The following MSRB3 variants were observed in gnomAD, a reference collection of about 807,000 sequenced individuals.
The protein encoded by MSRB3 is methionine sulfoxide reductase B3.
MSRB3 carries 13 observed loss-of-function variants against 21.0 expected under a neutral mutation model. That is an observed-to-expected ratio of 0.62 (90% CI 0.40 to 0.98). MSRB3 has a LOEUF of 0.98. MSRB3 is among the 50% of genes least tolerant of loss of function. MSRB3 has a pLI of 0.00. For synonymous variants in MSRB3, 87 were observed against 88.6 expected (o/e 0.98, Z 0.10); for missense variants, 199 against 230.3 (o/e 0.86, Z 0.88).
chr12:65,430,648 G>A (rs1881831104), intron 5 of MSRB3, among the ~76,000 whole-genome samples: 1 of 152,046 alleles, frequency 6.6e-6, no homozygotes, highest in South Asian at 2.1e-4. Context: ...ATTTCCTCAG[G>A]AAAAACTTGA....
At chr12:65,425,466 A>G (rs988420920) in intron 5 of MSRB3, among the ~76,000 whole-genome samples, 1 of 151,678 alleles carries the variant, frequency 6.6e-6, no homozygotes, top group Admixed American at 6.6e-5. Context: ...TAAGTGGATC[A>G]TTTTCTCTAG....
chr12:65,374,009 T>C (rs1467396577), intron 5 of MSRB3, among the ~76,000 whole-genome samples: 1 of 152,160 alleles, frequency 6.6e-6, no homozygotes, highest in Non-Finnish European at 1.5e-5. Flanking sequence ...ATGAGGAATT[T>C]GAATGTAGTA....
chr12:65,305,952 A>G (rs1873627826), intron 1 of MSRB3, among the ~76,000 whole-genome samples: 1 of 152,218 alleles, frequency 6.6e-6, no homozygotes. Context: ...AATAGCTAAC[A>G]TTTCCTGAGC....
intron 2 of MSRB3, among the ~76,000 whole-genome samples, chr12:65,315,789 A>T (rs776497250): frequency 8.6e-5 from 13 of 151,994 alleles, no homozygotes; most frequent in Non-Finnish European, 1.8e-4. Context: ...TATGATAAGC[A>T]TTTCTTTCAG....
At chr12:65,446,487 A>C (rs1378693609) in intron 5 of MSRB3, among the ~76,000 whole-genome samples, 1 of 152,198 alleles carries the variant, frequency 6.6e-6, no homozygotes, top group Non-Finnish European at 1.5e-5. Flanking sequence ...TGCTTCTTCA[A>C]ATGAAATATT....
intron 1 of MSRB3, among the ~76,000 whole-genome samples, chr12:65,282,356 A>C (rs9669362): frequency 0.98 from 149,600 of 152,178 alleles, 73,590 homozygotes; most frequent in Middle Eastern, 1. Flanking sequence ...TCCCTCATCC[A>C]TGTTCATATA....
intron 5 of MSRB3, among the ~76,000 whole-genome samples, chr12:65,411,864 A>G (rs1880733067): frequency 6.6e-6 from 1 of 151,100 alleles, no homozygotes; most frequent in Non-Finnish European, 1.5e-5. Context: ...TATAAAAAAC[A>G]TAGGATGTGA....
At chr12:65,419,501 T>C in intron 5 of MSRB3, 1 of 739,832 alleles carries the variant, frequency 1.4e-6, no homozygotes, top group Non-Finnish European at 2.5e-6. Context: ...GACTGGCGCA[T>C]GGCCAGCTCT....
chr12:65,438,713 G>A (rs565604921), intron 5 of MSRB3, among the ~76,000 whole-genome samples: 2 of 151,884 alleles, frequency 1.3e-5, no homozygotes, highest in South Asian at 4.1e-4. Flanking sequence ...GGGAGGAAAG[G>A]GAAGCAGAAA....
At chr12:65,289,829 A>T in intron 1 of MSRB3, among the ~76,000 whole-genome samples, 1 of 152,148 alleles carries the variant, frequency 6.6e-6, no homozygotes, top group East Asian at 1.9e-4. Flanking sequence ...GTTTAGGATT[A>T]TGGTCTCCAG....
rs1029833402 is a variant in MSRB3, at chr12:65,459,523, G to T, written c.391-3632G>T. On this transcript the variant is annotated intron_variant, in intron 6 of 6. Coordinates refer to ENST00000308259, the MANE Select transcript of MSRB3 (RefSeq NM_001031679.3). ...ATATCACAAGCACAGAGGAAAAAAA[G>T]CCCCCACTTACACACAAGTGTCTTC... Among the ~76,000 whole-genome samples, 16 of 152,240 alleles carry T rather than the reference G, an allele frequency of 1.1e-4. No individual in the cohort carries two copies. In the South Asian group the frequency reaches 3.3e-3, roughly 32 times the overall value.
At chr12:65,384,223 C>T (rs1879095467) in intron 5 of MSRB3, among the ~76,000 whole-genome samples, 1 of 152,042 alleles carries the variant, frequency 6.6e-6, no homozygotes, top group African/African-American at 2.4e-5. Context: ...TTTTATTCTT[C>T]TTACTGGTAG....
At chr12:65,318,040 G>T (rs993642005) in intron 2 of MSRB3, among the ~76,000 whole-genome samples, 2 of 152,068 alleles carry the variant, frequency 1.3e-5, no homozygotes. Context: ...GTCTTCCCGT[G>T]TCAGGGCAAG....
chr12:65,375,105 G>A (rs1022727482), intron 5 of MSRB3, among the ~76,000 whole-genome samples: 54 of 150,292 alleles, frequency 3.6e-4, no homozygotes, highest in Admixed American at 3.3e-3. Context: ...TCGGCCTCCC[G>A]AAGTGCTGGG....
intron 1 of MSRB3, among the ~76,000 whole-genome samples, chr12:65,299,789 A>G (rs1250077791): frequency 6.6e-6 from 1 of 152,012 alleles, no homozygotes; most frequent in Non-Finnish European, 1.5e-5. Context: ...CCTTCTTTAC[A>G]TTTTGTTGCT....
At chr12:65,400,953 G>T (rs1287716044) in intron 5 of MSRB3, among the ~76,000 whole-genome samples, 2 of 152,142 alleles carry the variant, frequency 1.3e-5, no homozygotes, top group Admixed American at 6.5e-5. Context: ...GTTCTGATTG[G>T]ATTACACTGT....
intron 5 of MSRB3, among the ~76,000 whole-genome samples, chr12:65,400,841 T>C (rs1565874361): frequency 6.6e-6 from 1 of 152,224 alleles, no homozygotes; most frequent in Non-Finnish European, 1.5e-5. Context: ...AAAGAACTTC[T>C]TTATTTCTGC....
At chr12:65,428,892 T>C (rs1242618046) in intron 5 of MSRB3, among the ~76,000 whole-genome samples, 1 of 152,158 alleles carries the variant, frequency 6.6e-6, no homozygotes, top group Non-Finnish European at 1.5e-5. Flanking sequence ...ATCCTTTTTT[T>C]CCCCATAAGA....
chr12:65,340,557 A>G (rs1876069906), intron 4 of MSRB3, among the ~76,000 whole-genome samples: 1 of 152,142 alleles, frequency 6.6e-6, no homozygotes, highest in Admixed American at 6.5e-5. Flanking sequence ...ACTGCTAAAA[A>G]TCAAAGGCAA....
Sources: allele counts gnomAD v4.1 joint callset (sites outside exome capture counted in the v4.1 genomes callset), GRCh38; gene constraint gnomAD v4.1.1; transcripts MANE v1.5; gene names NCBI Gene and HGNC (gene_info 2026-07-23, HGNC 2026-07-21).